S100A8: variants seen among roughly 807,000 people sequenced by gnomAD.
S100A8 encodes S100 calcium binding protein A8.
Under a neutral mutation model 4.2 loss-of-function variants are expected in S100A8, and 1 was observed. The ratio of observed to expected loss-of-function variants is 0.24; its 90% confidence interval spans 0.08 to 1.12. The LOEUF is 1.12. S100A8 is among the 50% of genes most tolerant of loss of function. The probability of loss-of-function intolerance (pLI) is 0.53; values close to 1 mark genes in which losing one functional copy is unlikely to be tolerated. For synonymous variants in S100A8, 41 were observed against 44.7 expected (o/e 0.92, Z 0.33); for missense variants, 96 against 111.8 (o/e 0.86, Z 0.64).
chr1:153,394,112 TG>T (rs1271931299), upstream of S100A8, among the ~76,000 whole-genome samples: 3 of 152,168 alleles, frequency 2.0e-5, no homozygotes, highest in African/African-American at 7.2e-5. Context: ...CTAGCGGACA[TG>T]GGGCAACCTA....
upstream of S100A8, among the ~76,000 whole-genome samples, chr1:153,393,994 G>A (rs1164001453): frequency 3.3e-5 from 5 of 152,174 alleles, no homozygotes; most frequent in African/African-American, 4.8e-5. Flanking sequence ...CCCCTGGACA[G>A]CCTTGGGTGC....
upstream of S100A8, among the ~76,000 whole-genome samples, chr1:153,392,897 A>G (rs1159947137): frequency 1.3e-5 from 2 of 152,214 alleles, no homozygotes; most frequent in African/African-American, 4.8e-5. Flanking sequence ...AGCCACAATC[A>G]CTGATCAGAG....
chr1:153,415,177 TGTGTGTGC>T, the S100A8 span, among the ~76,000 whole-genome samples: 3 of 151,022 alleles, frequency 2.0e-5, no homozygotes, highest in African/African-American at 7.4e-5. Flanking sequence ...TGTGTTTGTG[TGTGTGTGC>T]GTGTGTGTGT....
chr1:153,412,590 A>G, the S100A8 span, among the ~76,000 whole-genome samples: 1 of 152,234 alleles, frequency 6.6e-6, no homozygotes, highest in Non-Finnish European at 1.5e-5. Flanking sequence ...TCAAGGATCT[A>G]GAACTAGAAA....
the S100A8 span, chr1:153,422,519 T>C: frequency 1.8e-4 from 174 of 985,166 alleles, no homozygotes; most frequent in Non-Finnish European, 2.0e-4. Context: ...CACACTCACA[T>C]TACAGCTGAT....
rs960246963 is a variant in S100A8 at position 153,390,071 on chromosome 1, C to T, written c.*32G>A. On this transcript the variant is annotated 3_prime_UTR_variant, in exon 3 of 3. Transcript: ENST00000368733. Reference sequence around the variant, plus strand: ...CTTTATTATTCTGCAGGTACATGTCCAGGGGCCCAGCCTCTGGGCCCAGTA... The same window carrying T: ...CTTTATTATTCTGCAGGTACATGTCTAGGGGCCCAGCCTCTGGGCCCAGTA... 5 of 1,585,610 alleles carry T rather than the reference C, an allele frequency of 3.2e-6. No homozygotes were observed. The African/African-American group carries it at 6.8e-5, about 22-fold the overall frequency.
the S100A8 span, chr1:153,417,846 C>T: frequency 5.8e-6 from 3 of 514,108 alleles, no homozygotes; most frequent in South Asian, 7.8e-5. Flanking sequence ...TGCCATCCAC[C>T]TGCATCTCTT....
At chr1:153,406,455 T>C in the S100A8 span, among the ~76,000 whole-genome samples, 3 of 152,202 alleles carry the variant, frequency 2.0e-5, no homozygotes, top group East Asian at 1.9e-4. Flanking sequence ...CAGTGCCTTA[T>C]ATTGGAGTTC....
At chr1:153,413,665 C>T in the S100A8 span, among the ~76,000 whole-genome samples, 1 of 152,078 alleles carries the variant, frequency 6.6e-6, no homozygotes, top group African/African-American at 2.4e-5. Flanking sequence ...CTTTGGGAGG[C>T]CGAGATGAGT....
rs1317325641 is a variant in S100A8 at position 153,391,013 on chromosome 1, C to T, written c.-23+28G>A. 9.1e-6 allele frequency: 9 copies of T among 989,176 alleles called. No individual in the cohort carries two copies. In the African/African-American group the frequency reaches 1.0e-4, roughly 12 times the overall value. 61.3% of individuals were successfully genotyped at this position (989,176 alleles called of 1,614,324 possible). On this transcript the variant is annotated intron_variant, in intron 1 of 2. Coordinates refer to ENST00000368733, the MANE Select transcript of S100A8 (RefSeq NM_002964.5). ...CCCTCCCCAAGAGAAGCCCAAAGTGCGGGGCCAACCCAGACAGTCCCACTT... is the reference window on the plus strand; with the variant it reads ...CCCTCCCCAAGAGAAGCCCAAAGTGTGGGGCCAACCCAGACAGTCCCACTT...
the S100A8 span, among the ~76,000 whole-genome samples, chr1:153,408,640 C>T: frequency 6.6e-6 from 1 of 152,152 alleles, no homozygotes; most frequent in South Asian, 2.1e-4. Context: ...CACAAAGATA[C>T]TCCTCGAAAA....
chr1:153,416,073 C>T, the S100A8 span, among the ~76,000 whole-genome samples: 1 of 152,176 alleles, frequency 6.6e-6, no homozygotes, highest in Non-Finnish European at 1.5e-5. Flanking sequence ...GCAAGAGCAG[C>T]AGGTGTCTTG....
At chr1:153,404,373 C>T in the S100A8 span, among the ~76,000 whole-genome samples, 1 of 152,188 alleles carries the variant, frequency 6.6e-6, no homozygotes, top group Non-Finnish European at 1.5e-5. Context: ...ATGGTTGCTT[C>T]CTCTGGCAAC....
chr1:153,409,547 C>T, the S100A8 span, among the ~76,000 whole-genome samples: 2 of 152,220 alleles, frequency 1.3e-5, no homozygotes, highest in African/African-American at 2.4e-5. Flanking sequence ...TAATACCCCA[C>T]TGTCAACATT....
chr1:153,398,289 G>A, the S100A8 span, among the ~76,000 whole-genome samples: 14 of 152,324 alleles, frequency 9.2e-5, no homozygotes, highest in African/African-American at 2.9e-4. Context: ...GTCTAAGCCC[G>A]GATTTGGGTG....
chr1:153,395,217 C>T (rs895449411), upstream of S100A8, among the ~76,000 whole-genome samples: 5 of 152,142 alleles, frequency 3.3e-5, no homozygotes, highest in Non-Finnish European at 5.9e-5. Flanking sequence ...CCTTCTCTCC[C>T]TCAGGAAGCC....
chr1:153,398,228 A>G, the S100A8 span, among the ~76,000 whole-genome samples: 1 of 152,136 alleles, frequency 6.6e-6, no homozygotes, highest in African/African-American at 2.4e-5. Flanking sequence ...GGAGCCCAGT[A>G]ATCATGGGTC....
chr1:153,394,036 C>T (rs1662161646), upstream of S100A8, among the ~76,000 whole-genome samples: 1 of 152,148 alleles, frequency 6.6e-6, no homozygotes, highest in Admixed American at 6.5e-5. Flanking sequence ...GCTGAACTGA[C>T]CTTGCAGCAA....
the S100A8 span, chr1:153,416,656 T>C: frequency 2.9e-6 from 1 of 344,870 alleles, no homozygotes; most frequent in Non-Finnish European, 5.7e-6. Context: ...GTGGACAAAG[T>C]CTCAGAAGCC....
Sources: allele counts gnomAD v4.1 joint callset (sites outside exome capture counted in the v4.1 genomes callset), GRCh38; gene constraint gnomAD v4.1.1; transcripts MANE v1.5; gene names NCBI Gene and HGNC (gene_info 2026-07-23, HGNC 2026-07-21).